TMEM247: variants seen among roughly 807,000 people sequenced by gnomAD.
The protein encoded by TMEM247 is transmembrane protein 247.
A neutral mutation model predicts 20.7 loss-of-function variants in TMEM247; 23 were observed. The observed-to-expected ratio is 1.11, with a 90% CI of 0.80 to 1.57. The LOEUF is 1.57. Ranked by LOEUF, TMEM247 falls within the 40% of genes most tolerant of loss-of-function variation. The probability of loss-of-function intolerance (pLI) is 0.00; values close to 1 mark genes in which losing one functional copy is unlikely to be tolerated. For synonymous variants in TMEM247, 106 were observed against 111.9 expected, an observed-to-expected ratio of 0.95 and a Z score of 0.33; for missense variants, 354 against 283.8, an observed-to-expected ratio of 1.25 and a Z score of -1.78.
At chr2:46,480,275 T>C in intron 1 of TMEM247, 130 bp from the exon 2 acceptor site, 4 of 1,087,814 alleles carry the variant, frequency 3.7e-6, no homozygotes, top group Non-Finnish European at 5.1e-6. Context: ...TAATAAGAAT[T>C]CAGCCTAGAT....
At chr2:46,484,204 C>T (rs1457998031) in intron 2 of TMEM247, 40 bp from the exon 3 acceptor site, 2 of 1,519,764 alleles carry the variant, frequency 1.3e-6, no homozygotes, top group Non-Finnish European at 1.8e-6. Context: ...CTGGCGCCAA[C>T]AATGGCATCA....
chr2:46,480,672 C>T (rs889926929), exon 2 of TMEM247: 6 of 1,550,866 alleles, frequency 3.9e-6, no homozygotes, highest in South Asian at 3.6e-5. Context: ...CCAGCGGCAG[C>T]GGCAGCACGA....
chr2:46,480,699 C>CCGCAGCGGGAGCGGCAGCACGAGG (rs1558643365), exon 2 of TMEM247: 25 of 1,550,646 alleles, frequency 1.6e-5, no homozygotes, highest in Middle Eastern at 1.7e-4. Flanking sequence ...GATGGAGCAG[C>CCGCAGCGGGAGCGGCAGCACGAGG]TGCAGCGGGA....
intron 1 of TMEM247, among the ~76,000 whole-genome samples, chr2:46,480,149 C>A (rs1278759207): frequency 1.3e-5 from 2 of 152,130 alleles, no homozygotes; most frequent in Non-Finnish European, 2.9e-5. Flanking sequence ...GAAAAATGGA[C>A]ATCAATCTAC....
At chr2:46,482,432 C>T (rs2121698) in intron 2 of TMEM247, among the ~76,000 whole-genome samples, 46,518 of 152,162 alleles carry the variant, frequency 0.31, 8,738 homozygotes, top group Non-Finnish European at 0.42. Context: ...GTAACTATGC[C>T]TTTGGCCTGT....
chr2:46,480,378 C>T (rs1478736068), intron 1 of TMEM247, 27 bp from the exon 2 acceptor site: 1 of 1,511,566 alleles, frequency 6.6e-7, no homozygotes. Flanking sequence ...TTCAAGGTAC[C>T]TCCCCTCCCT....
chr2:46,483,625 A>G (rs376127807), intron 2 of TMEM247, among the ~76,000 whole-genome samples: 1 of 152,174 alleles, frequency 6.6e-6, no homozygotes, highest in African/African-American at 2.4e-5. Context: ...TGTGGCTCCA[A>G]TGGGCCGTAC....
At position 46,481,681 on chromosome 2, in the gene TMEM247, C is replaced by T. The variant is rs112543444; in HGVS notation, c.477+917C>T. ...GTAAGCACTCAATAAACGTTAGCTA[C>T]TACCATTTTTATGTACTCATGCAAT... On this transcript the variant is annotated intron_variant, in intron 2 of 2. Coordinates refer to ENST00000434431, the Ensembl canonical transcript of TMEM247. 6.3e-3 allele frequency among the ~76,000 whole-genome samples: 958 copies of T among 152,336 alleles called. 12 individuals are homozygous for T. The highest frequency in any genetic ancestry group is 0.022 in the African/African-American group (902 of 41,578).
At chr2:46,480,687 G>C (rs1200650279) in exon 2 of TMEM247, 1 of 1,550,896 alleles carries the variant, frequency 6.4e-7, no homozygotes, top group Non-Finnish European at 8.7e-7. Context: ...GCACGAGGTG[G>C]TGATGGAGCA....
At chr2:46,480,306 A>G (rs79526803) in intron 1 of TMEM247, 99 bp from the exon 2 acceptor site, 15 of 1,292,962 alleles carry the variant, frequency 1.2e-5, no homozygotes, top group Non-Finnish European at 1.5e-5. Context: ...CAAACACCCC[A>G]GTCCACTGCG....
chr2:46,484,199 G>T, intron 2 of TMEM247, 45 bp from the exon 3 acceptor site: 7 of 1,508,940 alleles, frequency 4.6e-6, no homozygotes, highest in Non-Finnish European at 6.2e-6. Flanking sequence ...TCTGCCTGGC[G>T]CCAACAATGG....
chr2:46,483,293 C>T lies in TMEM247; in HGVS notation c.478-951C>T, dbSNP rs76224375. On this transcript the variant is annotated intron_variant, in intron 2 of 2. Transcript: ENST00000434431. ...TATATAGATTCAAGAAAAGAGCAACCCACAGACAGAATTAGCCAGACAACT... is the reference window on the plus strand; with the variant it reads ...TATATAGATTCAAGAAAAGAGCAACTCACAGACAGAATTAGCCAGACAACT... Among the ~76,000 whole-genome samples the T allele has an allele frequency of 9.6e-3, 1,466 of 152,170 alleles. 11 individuals are homozygous for T. Among genetic ancestry groups the T allele is most frequent in the Non-Finnish European group, 0.015 (1,037 of 68,010 alleles).
intron 2 of TMEM247, among the ~76,000 whole-genome samples, chr2:46,482,821 A>G (rs1030708221): frequency 2.8e-4 from 43 of 152,336 alleles, no homozygotes; most frequent in African/African-American, 9.4e-4. Context: ...TAGAGGCAGC[A>G]TCATCAGGTC....
At chr2:46,480,705 C>G in exon 2 of TMEM247, 10 of 1,550,840 alleles carry the variant, frequency 6.4e-6, no homozygotes, top group Non-Finnish European at 7.8e-6. Flanking sequence ...GCAGCTGCAG[C>G]GGGAGCGGCA....
chr2:46,483,814 G>A (rs1185308269), intron 2 of TMEM247, among the ~76,000 whole-genome samples: 1 of 152,136 alleles, frequency 6.6e-6, no homozygotes, highest in Non-Finnish European at 1.5e-5. Context: ...TAAGAAACAG[G>A]ATCTTGCTGT....
exon 3 of TMEM247, chr2:46,484,327 C>G (rs201222294): frequency 4.5e-6 from 7 of 1,552,274 alleles, no homozygotes; most frequent in Non-Finnish European, 6.1e-6. Flanking sequence ...TTCACATCAT[C>G]TATGTCACCA....
At chr2:46,480,497 G>T (rs770800896) in exon 2 of TMEM247, 89 of 1,551,562 alleles carry the variant, frequency 5.7e-5, no homozygotes, top group Non-Finnish European at 1.4e-5. Context: ...CGCTTAAATC[G>T]CTGTCCCCCA....
In TMEM247 at chr2:46,479,724, A is replaced by G. The variant is rs113748139; in HGVS notation, c.117+22A>G. Reference sequence around the variant, plus strand: ...TCTGGTAAGGGGGCTGCTGTGTCTCACCACCCCCGCCTATTCCGTCAGGGG... The same window carrying G: ...TCTGGTAAGGGGGCTGCTGTGTCTCGCCACCCCCGCCTATTCCGTCAGGGG... On this transcript the variant is annotated intron_variant, in intron 1 of 2. Transcript: ENST00000434431. The G allele has an allele frequency of 2.8e-4, 423 of 1,489,692 alleles. 4 individuals carry two copies. In the African/African-American group the frequency reaches 5.1e-3, roughly 18 times the overall value. The allele number at this position is 1,489,692 out of a possible 1,614,324, so 92.3% of individuals were successfully genotyped here. A position where few individuals can be genotyped will look rare whatever the true frequency, so the allele number is the denominator to read the frequency against.
intron 2 of TMEM247, among the ~76,000 whole-genome samples, chr2:46,482,964 T>C (rs907393408): frequency 2.6e-5 from 4 of 152,178 alleles, no homozygotes; most frequent in East Asian, 1.9e-4. Context: ...TTACTAAAAA[T>C]TGGGGAGTTG....
Sources: gnomAD v4.1 joint callset for allele counts (sites outside exome capture counted in the v4.1 genomes callset) on GRCh38, gnomAD v4.1.1 for gene constraint, MANE v1.5 for transcripts, NCBI Gene and HGNC (gene_info 2026-07-23, HGNC 2026-07-21) for gene names.